The following AGBL1 variants were observed in gnomAD, a reference collection of about 807,000 sequenced individuals.
AGBL1 encodes the protein cytosolic carboxypeptidase 4.
A neutral mutation model predicts 118.9 loss-of-function variants in AGBL1; 130 were observed. The ratio of observed to expected loss-of-function variants is 1.09; its 90% CI spans 0.95 to 1.26. AGBL1 has a LOEUF of 1.26. AGBL1 is among the 50% of genes most tolerant of loss of function. The probability of loss-of-function intolerance (pLI) is 0.00; values close to 1 mark genes in which losing one functional copy is unlikely to be tolerated. For missense variants in AGBL1, 1,584 were observed against 1,298.1 expected, an observed-to-expected ratio of 1.22 and a Z score of -3.38; for synonymous variants, 555 against 478.9, an observed-to-expected ratio of 1.16 and a Z score of -2.08.
intron 23 of AGBL1, among the ~76,000 whole-genome samples, chr15:86,947,422 A>T (rs939101105): frequency 5.9e-5 from 9 of 152,172 alleles, no homozygotes; most frequent in African/African-American, 2.2e-4. Flanking sequence ...TTTATGTCAG[A>T]TATTTCATAT....
At chr15:86,432,379 G>A (rs983923476) in intron 18 of AGBL1, among the ~76,000 whole-genome samples, 12 of 152,100 alleles carry the variant, frequency 7.9e-5, no homozygotes, top group Admixed American at 2.0e-4. Flanking sequence ...TGATGACTTC[G>A]ATAGTTTTGA....
intron 18 of AGBL1, among the ~76,000 whole-genome samples, chr15:86,491,860 G>T (rs185846488): frequency 6.6e-6 from 1 of 151,900 alleles, no homozygotes; most frequent in African/African-American, 2.4e-5. Context: ...GGCTGTGTGT[G>T]GGGGGTGGGG....
intron 1 of AGBL1, among the ~76,000 whole-genome samples, chr15:86,132,401 G>A (rs1243957664): frequency 6.6e-6 from 1 of 152,168 alleles, no homozygotes; most frequent in Non-Finnish European, 1.5e-5. Flanking sequence ...GAAGAAGGCG[G>A]CAACCCATTT....
At chr15:86,494,623 C>A (rs1301698148) in intron 18 of AGBL1, among the ~76,000 whole-genome samples, 1 of 152,090 alleles carries the variant, frequency 6.6e-6, no homozygotes. Context: ...AGGCTCATGA[C>A]TTAAAAACAT....
intron 17 of AGBL1, among the ~76,000 whole-genome samples, chr15:86,352,840 C>T (rs2080650470): frequency 1.3e-5 from 2 of 152,130 alleles, no homozygotes; most frequent in Admixed American, 1.3e-4. Context: ...AAAGGATTAG[C>T]ACTTTATTTC....
rs114600432 is a variant in AGBL1 at position 86,456,787 on chromosome 15, A to G, written c.2555+59241A>G. ...TTAAGAAAGGAATTGTGATTTTTTT[A>G]ATGAAATGTCAGTTTTACCGGATTG... On this transcript the variant is annotated intron_variant, in intron 18 of 22. Coordinates refer to ENST00000614907, the MANE Select transcript of AGBL1 (RefSeq NM_001386094.1). 8.6e-3 allele frequency among the ~76,000 whole-genome samples: 1,313 copies of G among 152,294 alleles called. 25 individuals carry two copies. Among genetic ancestry groups the G allele is most frequent in the African/African-American group, 0.031 (1,273 of 41,556 alleles).
chr15:86,187,834 T>C (rs1257726990), intron 5 of AGBL1, among the ~76,000 whole-genome samples: 1 of 152,204 alleles, frequency 6.6e-6, no homozygotes, highest in Non-Finnish European at 1.5e-5. Flanking sequence ...ACATTTGAAG[T>C]CAACATCTTC....
chr15:86,599,029 T>C (rs2084451303), intron 21 of AGBL1, among the ~76,000 whole-genome samples: 1 of 152,126 alleles, frequency 6.6e-6, no homozygotes, highest in South Asian at 2.1e-4. Context: ...TTATTAACTT[T>C]AATGTCTCTT....
At chr15:86,555,246 C>T (rs1034780600) in intron 21 of AGBL1, among the ~76,000 whole-genome samples, 2 of 152,194 alleles carry the variant, frequency 1.3e-5, no homozygotes, top group Non-Finnish European at 2.9e-5. Flanking sequence ...GTAATAGACT[C>T]TTGTAAATTT....
intron 16 of AGBL1, among the ~76,000 whole-genome samples, chr15:86,288,235 A>G (rs12915971): frequency 0.27 from 40,392 of 152,108 alleles, 6,260 homozygotes; most frequent in Admixed American, 0.37. Flanking sequence ...TAATTTGTTT[A>G]TGATCACAGA....
chr15:86,109,741 A>G (rs1261340579), intron 1 of AGBL1: 1 of 152,208 alleles, frequency 6.6e-6, no homozygotes, highest in Non-Finnish European at 1.5e-5. Flanking sequence ...AGCTCTGTCC[A>G]TTGCATGCCA....
chr15:86,781,545 A>G (rs1217853882), intron 22 of AGBL1, among the ~76,000 whole-genome samples: 1 of 152,162 alleles, frequency 6.6e-6, no homozygotes, highest in Non-Finnish European at 1.5e-5. Context: ...TCGTTTTAAG[A>G]CACAAAAATC....
intron 13 of AGBL1, 74 bp downstream of exon 13, chr15:86,267,150 C>A: frequency 1.8e-6 from 2 of 1,142,772 alleles, no homozygotes; most frequent in Non-Finnish European, 2.6e-6. Context: ...CTTCCCCATG[C>A]TCTGTTCAGT....
chr15:86,236,488 G>A (rs1488249910), intron 6 of AGBL1, among the ~76,000 whole-genome samples: 2 of 152,118 alleles, frequency 1.3e-5, no homozygotes, highest in Non-Finnish European at 2.9e-5. Flanking sequence ...TAATAGGAGA[G>A]GATGGACATA....
At chr15:86,601,184 C>G (rs1161717805) in intron 21 of AGBL1, among the ~76,000 whole-genome samples, 3 of 152,044 alleles carry the variant, frequency 2.0e-5, no homozygotes, top group Non-Finnish European at 2.9e-5. Context: ...AAAGTATGCT[C>G]TCTGGTAGTC....
chr15:86,290,853 A>T (rs996292721), intron 16 of AGBL1, among the ~76,000 whole-genome samples: 3 of 145,422 alleles, frequency 2.1e-5, no homozygotes, highest in Non-Finnish European at 3.0e-5. Context: ...CCCCGACCCC[A>T]CAACAGTCCC....
At chr15:86,568,325 A>T (rs1422324471) in intron 21 of AGBL1, among the ~76,000 whole-genome samples, 1 of 152,100 alleles carries the variant, frequency 6.6e-6, no homozygotes, top group Non-Finnish European at 1.5e-5. Context: ...TGTATTTCTA[A>T]AGGTATTCTT....
intron 23 of AGBL1, among the ~76,000 whole-genome samples, chr15:86,945,593 A>C (rs1340815208): frequency 1.3e-5 from 2 of 152,140 alleles, no homozygotes; most frequent in Non-Finnish European, 2.9e-5. Context: ...AGATCACTTG[A>C]GCCTGGAAGG....
At chr15:86,646,109 G>A (rs564713922) in intron 21 of AGBL1, among the ~76,000 whole-genome samples, 34 of 152,144 alleles carry the variant, frequency 2.2e-4, no homozygotes, top group South Asian at 2.1e-3. Context: ...TTATTTCCCC[G>A]TCTTACATCA....
Sources: allele counts gnomAD v4.1 joint callset (sites outside exome capture counted in the v4.1 genomes callset), GRCh38; gene constraint gnomAD v4.1.1; transcripts MANE v1.5; gene names NCBI Gene and HGNC (gene_info 2026-07-23, HGNC 2026-07-21).